The following VPS13B variants were observed in gnomAD, a reference collection of about 807,000 sequenced individuals.
VPS13B encodes vacuolar protein sorting 13 homolog B.
A neutral mutation model predicts 426.4 loss-of-function variants in VPS13B; 285 were observed. That is an observed-to-expected ratio of 0.67 (90% CI 0.61 to 0.74). The LOEUF (loss-of-function observed/expected upper bound fraction) is 0.74. VPS13B is among the 30% of genes least tolerant of loss of function. The pLI, the probability that VPS13B is intolerant of heterozygous loss-of-function variation, is 0.00. For synonymous variants in VPS13B, 1,676 were observed against 1,676.4 expected (o/e 1.00, Z 0.01); for missense variants, 4,537 against 4,782.6 (o/e 0.95, Z 1.51).
intron 39 of VPS13B, among the ~76,000 whole-genome samples, chr8:99,747,841 G>T (rs902018374): frequency 7.9e-5 from 12 of 151,834 alleles, no homozygotes; most frequent in Non-Finnish European, 1.6e-4. Flanking sequence ...CTTGTTCCAA[G>T]AATACTTTTT....
At chr8:99,517,446 A>G (rs939837035) in intron 29 of VPS13B, among the ~76,000 whole-genome samples, 3 of 152,188 alleles carry the variant, frequency 2.0e-5, no homozygotes, top group African/African-American at 4.8e-5. Context: ...GAAATCTTTC[A>G]GGCTTATAAT....
intron 33 of VPS13B, among the ~76,000 whole-genome samples, chr8:99,634,758 C>A (rs891467111): frequency 6.6e-6 from 1 of 151,762 alleles, no homozygotes; most frequent in Non-Finnish European, 1.5e-5. Flanking sequence ...ATTGGTGACA[C>A]TAAAGGAGAC....
At chr8:99,700,538 C>T (rs1408016427) in intron 36 of VPS13B, among the ~76,000 whole-genome samples, 1 of 152,220 alleles carries the variant, frequency 6.6e-6, no homozygotes, top group African/African-American at 2.4e-5. Context: ...GCTGTTGAGG[C>T]ATTTTATCAG....
intron 33 of VPS13B, among the ~76,000 whole-genome samples, chr8:99,618,211 T>C (rs1159846473): frequency 1.3e-5 from 2 of 151,728 alleles, no homozygotes; most frequent in Non-Finnish European, 2.9e-5. Flanking sequence ...TAAAAAGCCT[T>C]GATACCAGTA....
chr8:99,387,080 T>C (rs779780969), intron 20 of VPS13B, among the ~76,000 whole-genome samples: 3 of 152,230 alleles, frequency 2.0e-5, no homozygotes, highest in Non-Finnish European at 4.4e-5. Flanking sequence ...GCATTCATCT[T>C]TATTGACTTG....
chr8:99,871,866 G>A (rs550609235), intron 61 of VPS13B, among the ~76,000 whole-genome samples, 169 bp downstream of exon 61: 2 of 152,038 alleles, frequency 1.3e-5, no homozygotes, highest in East Asian at 1.9e-4. Context: ...GGGCCGCTGC[G>A]AAAGGGCACT....
intron 21 of VPS13B, 36 bp downstream of exon 21, chr8:99,391,740 A>G: frequency 6.2e-7 from 1 of 1,608,346 alleles, no homozygotes; most frequent in Non-Finnish European, 8.5e-7. Context: ...CTATGATTGT[A>G]CTCTACTTCT....
intron 21 of VPS13B, among the ~76,000 whole-genome samples, chr8:99,397,562 A>G (rs190541838): frequency 4.3e-4 from 65 of 152,328 alleles, no homozygotes; most frequent in African/African-American, 1.3e-3. Flanking sequence ...AAAATATCAG[A>G]CTACTCTAAA....
At chr8:99,134,592 A>G (rs1364793855) in intron 8 of VPS13B, 40 bp from the exon 9 acceptor site, 1 of 1,460,214 alleles carries the variant, frequency 6.8e-7, no homozygotes, top group African/African-American at 1.4e-5. Flanking sequence ...TTGCTCTTTA[A>G]TACTAAATTT....
chr8:99,262,797 T>TGTTGTTGTC (rs1429122574), intron 17 of VPS13B, among the ~76,000 whole-genome samples: 1 of 151,596 alleles, frequency 6.6e-6, no homozygotes, highest in Non-Finnish European at 1.5e-5. Context: ...TTGTTGTTGT[T>TGTTGTTGTC]GTTGTTTCAA....
chr8:99,628,788 T>A (rs1055531723), intron 33 of VPS13B, among the ~76,000 whole-genome samples: 3 of 151,868 alleles, frequency 2.0e-5, no homozygotes, highest in Admixed American at 6.6e-5. Flanking sequence ...TTTTTTTTTT[T>A]AAGGGGGCAG....
At chr8:99,400,011 G>A (rs1046298735) in intron 21 of VPS13B, among the ~76,000 whole-genome samples, 1 of 151,824 alleles carries the variant, frequency 6.6e-6, no homozygotes, top group Non-Finnish European at 1.5e-5. Context: ...TATTTTTCTA[G>A]GATTGTAAAG....
At chr8:99,776,721 A>C in intron 40 of VPS13B, 54 bp from the exon 41 acceptor site, 2 of 1,572,792 alleles carry the variant, frequency 1.3e-6, no homozygotes, top group Non-Finnish European at 1.8e-6. Context: ...TTTCACTCAT[A>C]TAATATTGGG....
chr8:99,551,646 T>C (rs183822535), intron 30 of VPS13B, among the ~76,000 whole-genome samples: 8 of 152,072 alleles, frequency 5.3e-5, no homozygotes, highest in Non-Finnish European at 5.9e-5. Flanking sequence ...ACATGTGTAC[T>C]TAACAGAAGT....
At chr8:99,393,104 A>G (rs1814530798) in intron 21 of VPS13B, among the ~76,000 whole-genome samples, 1 of 152,128 alleles carries the variant, frequency 6.6e-6, no homozygotes, top group Non-Finnish European at 1.5e-5. Flanking sequence ...ATTACCTTAC[A>G]TGCATGTAAA....
At position 99,556,437 on chromosome 8, in the gene VPS13B, G is replaced by T. The variant is rs561446691; in HGVS notation, c.4746-13G>T. 3.1e-6 allele frequency: 5 copies of T among 1,610,200 alleles called. No individual in the cohort carries two copies. In the South Asian group the frequency reaches 4.4e-5, roughly 14 times the overall value. On this transcript the variant is annotated splice_polypyrimidine_tract_variant and intron_variant, in intron 30 of 61. Transcript: ENST00000357162. ...TCTTGTTTTTATTTTTGTTTTTTTC[G>T]CTGCCTTTACAGGAGAGCCTTGAAC...
intron 19 of VPS13B, among the ~76,000 whole-genome samples, chr8:99,350,268 T>C (rs1325235855): frequency 1.3e-5 from 2 of 152,198 alleles, no homozygotes; most frequent in Non-Finnish European, 2.9e-5. Flanking sequence ...CCACAATCTG[T>C]GGAGACTTGT....
intron 30 of VPS13B, among the ~76,000 whole-genome samples, chr8:99,521,746 T>A (rs1012102995): frequency 6.6e-6 from 1 of 152,194 alleles, no homozygotes; most frequent in African/African-American, 2.4e-5. Context: ...GTCTCACTCT[T>A]CTAAAAAATA....
chr8:99,795,088 C>G (rs1438601347), intron 43 of VPS13B, among the ~76,000 whole-genome samples: 2 of 152,174 alleles, frequency 1.3e-5, no homozygotes, highest in Admixed American at 1.3e-4. Context: ...CAAATCCTGG[C>G]TCCTTTTTAT....
Sources: allele counts gnomAD v4.1 joint callset (sites outside exome capture counted in the v4.1 genomes callset), GRCh38; gene constraint gnomAD v4.1.1; transcripts MANE v1.5; gene names NCBI Gene and HGNC (gene_info 2026-07-23, HGNC 2026-07-21).